SLC10A2: variants seen among roughly 807,000 people sequenced by gnomAD.
SLC10A2 encodes solute carrier family 10 member 2, also known as ileal sodium/bile acid cotransporter.
In SLC10A2, 34 loss-of-function variants were observed where a neutral mutation model predicts 27.1. The ratio of observed to expected loss-of-function variants is 1.26; its 90% CI spans 0.96 to 1.67. SLC10A2 has a LOEUF of 1.67. Among genes scored for constraint, SLC10A2 ranks in the 40% most tolerant of loss-of-function variants. The pLI, the probability that SLC10A2 is intolerant of heterozygous loss-of-function variation, is 0.00. For synonymous variants in SLC10A2, 205 were observed against 174.0 expected, an observed-to-expected ratio of 1.18 and a Z score of -1.40; for missense variants, 530 against 444.4, an observed-to-expected ratio of 1.19 and a Z score of -1.73.
At chr13:103,050,811 A>T (rs1925978) in intron 4 of SLC10A2, among the ~76,000 whole-genome samples, 1 of 151,964 alleles carries the variant, frequency 6.6e-6, no homozygotes, top group African/African-American at 2.4e-5. Flanking sequence ...GCTGTTATGG[A>T]TTGATTATGT....
At chr13:103,060,900 A>T (rs558023929) in intron 1 of SLC10A2, among the ~76,000 whole-genome samples, 5 of 152,070 alleles carry the variant, frequency 3.3e-5, no homozygotes, top group Admixed American at 6.6e-5. Context: ...CAACAACAAC[A>T]ACACACTATA....
intron 5 of SLC10A2, among the ~76,000 whole-genome samples, chr13:103,048,024 G>A (rs1875660703): frequency 1.3e-5 from 2 of 152,150 alleles, no homozygotes; most frequent in African/African-American, 4.8e-5. Flanking sequence ...TGGAAAGGAA[G>A]CCTCTGCTTT....
chr13:103,048,247 C>T (rs889321919), intron 5 of SLC10A2, among the ~76,000 whole-genome samples: 3 of 151,978 alleles, frequency 2.0e-5, no homozygotes, highest in Non-Finnish European at 4.4e-5. Flanking sequence ...CAAAATTAGC[C>T]TGTCATGGTG....
At chr13:103,062,853 C>T (rs1876164948) in intron 1 of SLC10A2, among the ~76,000 whole-genome samples, 1 of 152,040 alleles carries the variant, frequency 6.6e-6, no homozygotes, top group Non-Finnish European at 1.5e-5. Flanking sequence ...AGAATGGATT[C>T]CCCAAAGAGG....
chr13:103,060,239 T>C (rs945153850), intron 1 of SLC10A2, among the ~76,000 whole-genome samples: 3 of 152,114 alleles, frequency 2.0e-5, no homozygotes, highest in Admixed American at 1.3e-4. Context: ...GCGGTGCCAC[T>C]TAGTGTGTTA....
chr13:103,051,383 C>G lies in SLC10A2; in HGVS notation c.635G>C (p.Gly212Ala), dbSNP rs1875775846. ...AILIVLIAVV[G>A]GILYQSAWII... ...CCAGGCGCTTTGGTACAATATTCCT[C>G]CAACCACAGCTATGAGCACAATGAG... The change falls in exon 4 of 6, where the codon GGA becomes GCA. Residue 212 changes from glycine to alanine, a missense_variant. Gly to Ala is a moderately conservative substitution (Grantham distance 60). Coordinates refer to ENST00000245312, the MANE Select transcript of SLC10A2 (RefSeq NM_000452.3). 6 of 1,613,996 alleles carry G rather than the reference C, an allele frequency of 3.7e-6. No individual in the cohort carries two copies. Among genetic ancestry groups the G allele is most frequent in the Non-Finnish European group, 5.1e-6 (6 of 1,179,968 alleles).
rs758640661 is a variant in SLC10A2, at chr13:103,049,446, C to T, written c.762G>A (p.Arg254=). The change falls in exon 5 of 6, where the codon AGG becomes AGA. Residue 254 remains arginine, a splice_region_variant and synonymous_variant. Coordinates refer to ENST00000245312, the MANE Select transcript of SLC10A2 (RefSeq NM_000452.3). ...CCGTTTCAAAAGCAACCGTTCGGCA[C>T]CTAAAGAAGATGTTAAGAGAGCACA... The part of the protein sequence containing the change: ...LARIAGLPWY[R]CRTVAFETGM... 10 of 1,613,628 alleles carry T rather than the reference C, an allele frequency of 6.2e-6. No homozygotes were observed. Among genetic ancestry groups the T allele is most frequent in the East Asian group, 4.5e-5 (2 of 44,836 alleles).
chr13:103,064,323 A>T (rs1344554754), intron 1 of SLC10A2, among the ~76,000 whole-genome samples: 1 of 152,256 alleles, frequency 6.6e-6, no homozygotes, highest in Non-Finnish European at 1.5e-5. Flanking sequence ...TTTCAAGAGA[A>T]ATAAGATTTC....
rs1875999011 is a variant in SLC10A2 at position 103,058,289 on chromosome 13, G to T, written c.471C>A (p.Ser157Arg). Residue 157 changes from serine (S) to arginine (R), a missense_variant, in exon 2 of 6, where the codon AGC becomes AGA. Transcript: ENST00000245312. ...CTATGTTATCATAGGGAATTACGAT[G>T]CTCCCAGAGTCGACCCACATTTTGG... ...IYTKMWVDSGSIVIPYDNIGT... is the reference protein window; with the variant it reads ...IYTKMWVDSGRIVIPYDNIGT... 7 of 1,606,206 alleles carry T rather than the reference G, an allele frequency of 4.4e-6. No individual in the cohort carries two copies. In the East Asian group the frequency reaches 1.1e-4, roughly 26 times the overall value.
At chr13:103,060,209 ACTGT>A (rs1161999674) in intron 1 of SLC10A2, among the ~76,000 whole-genome samples, 1 of 152,004 alleles carries the variant, frequency 6.6e-6, no homozygotes, top group Non-Finnish European at 1.5e-5. Context: ...AAAGCCACAC[ACTGT>A]CTGGGCTGAA....
At position 103,052,708 on chromosome 13, in the gene SLC10A2, C is replaced by A. The variant is rs200551073; in HGVS notation, c.497G>T (p.Gly166Val). The change falls in exon 3 of 6, where the codon GGT becomes GTT. Residue 166 changes from glycine to valine, a missense_variant and splice_region_variant. Transcript: ENST00000245312. ...AACAACGAGAGAAACCAGAGATGTA[C>A]CTAAAGATGACAGAAGGGCAATGTG... ...GSIVIPYDNI[G>V]TSLVSLVVPV... 25 of 1,585,216 alleles carry A rather than the reference C, an allele frequency of 1.6e-5. No homozygotes were observed. Among genetic ancestry groups the A allele is most frequent in the Admixed American group, 8.3e-5 (5 of 59,898 alleles).
chr13:103,065,995 G>A lies in SLC10A2; in HGVS notation c.255C>T (p.Ile85=). The change falls in exon 1 of 6, where the codon ATC becomes ATT. Residue 85 remains isoleucine, a synonymous_variant. Coordinates refer to ENST00000245312, the MANE Select transcript of SLC10A2 (RefSeq NM_000452.3). ...QFGIMPLTGF[I]LSVAFDILPL... ...GGAGGATGTCAAAGGCCACCGACAG[G>A]ATGAATCCTGTGAGGGGCATGATTC... 1 of 1,614,196 alleles carries A rather than the reference G, an allele frequency of 6.2e-7. No homozygotes were observed. Among genetic ancestry groups the A allele is most frequent in the Non-Finnish European group, 8.5e-7 (1 of 1,180,024 alleles).
intron 1 of SLC10A2, among the ~76,000 whole-genome samples, chr13:103,063,664 T>A (rs1876192212): frequency 6.6e-6 from 1 of 152,240 alleles, no homozygotes. Flanking sequence ...ACACAATGCA[T>A]AATGTCATCA....
intron 3 of SLC10A2, 26 bp downstream of exon 3, chr13:103,052,594 T>G: frequency 7.0e-7 from 1 of 1,432,456 alleles, no homozygotes; most frequent in Non-Finnish European, 9.9e-7. Flanking sequence ...AGTGGAATAT[T>G]TAATGGTGTG....
chr13:103,052,697 C>T lies in SLC10A2; in HGVS notation c.508G>A (p.Val170Ile), dbSNP rs765709171. Residue 170 changes from valine to isoleucine, a missense_variant, in exon 3 of 6, where the codon GTT becomes ATT. Val to Ile is a conservative substitution (Grantham distance 29). Transcript: ENST00000245312. The part of the protein sequence containing the change: ...IPYDNIGTSL[V>I]SLVVPVSIGM... ...ATGGAAACAGGAACAACGAGAGAAA[C>T]CAGAGATGTACCTAAAGATGACAGA... The T allele has an allele frequency of 3.2e-5, 51 of 1,601,080 alleles. No homozygotes were observed. Among genetic ancestry groups the T allele is most frequent in the Non-Finnish European group, 3.7e-5 (43 of 1,168,484 alleles).
Position 103,060,884 on chromosome 13 carries a change from AAAC to A in SLC10A2, c.378-2505_378-2503del, listed in dbSNP as rs10688538. ...AAATATTTATATTACCTGCCCCCCAAAACAACAACAACAACAACACACTATACT... is the reference window on the plus strand; with the variant it reads ...AAATATTTATATTACCTGCCCCCCAAAACAACAACAACAACACACTATACT... On this transcript the variant is annotated intron_variant, in intron 1 of 5. Coordinates refer to ENST00000245312, the MANE Select transcript of SLC10A2 (RefSeq NM_000452.3). 6.6e-5 allele frequency among the ~76,000 whole-genome samples: 10 copies of A among 151,130 alleles called. 1 individual carries two copies. The East Asian group carries it at 1.8e-3, about 27-fold the overall frequency.
At chr13:103,058,991 G>C (rs1377402050) in intron 1 of SLC10A2, among the ~76,000 whole-genome samples, 3 of 152,188 alleles carry the variant, frequency 2.0e-5, no homozygotes, top group Non-Finnish European at 4.4e-5. Context: ...GGATTGATGG[G>C]TTGAGTGTAT....
intron 5 of SLC10A2, 136 bp from the exon 6 acceptor site, chr13:103,046,396 A>C: frequency 1.4e-6 from 1 of 728,196 alleles, no homozygotes; most frequent in Non-Finnish European, 2.3e-6. Flanking sequence ...AGAGAAAGAA[A>C]TCACCATTCT....
chr13:103,065,015 C>T (rs570278245), intron 1 of SLC10A2, among the ~76,000 whole-genome samples: 18 of 152,280 alleles, frequency 1.2e-4, no homozygotes, highest in South Asian at 4.1e-4. Context: ...AATAAGCACA[C>T]GTTGCATTAG....
Sources: allele counts gnomAD v4.1 joint callset (sites outside exome capture counted in the v4.1 genomes callset), GRCh38; gene constraint gnomAD v4.1.1; transcripts MANE v1.5; gene names NCBI Gene and HGNC (gene_info 2026-07-23, HGNC 2026-07-21).